Variants in RFT1 observed in about 807,000 individuals in gnomAD.
The protein encoded by RFT1 is RFT1 glycolipid translocator homolog.
A neutral mutation model predicts 62.2 loss-of-function variants in RFT1; 43 were observed. That is an observed-to-expected ratio of 0.69 (90% CI 0.54 to 0.89). The LOEUF is 0.89. Among genes scored for constraint, RFT1 ranks in the 40% least tolerant of loss-of-function variants. The pLI is 0.00. For missense variants in RFT1, 605 were observed against 649.9 expected, an observed-to-expected ratio of 0.93 and a Z score of 0.75; for synonymous variants, 262 against 264.6, an observed-to-expected ratio of 0.99 and a Z score of 0.10.
chr3:53,121,891 C>A, intron 4 of RFT1, 91 bp from the exon 5 acceptor site: 1 of 1,072,978 alleles, frequency 9.3e-7, no homozygotes, highest in South Asian at 1.3e-5. Context: ...GGGCAGTGGT[C>A]ACCCTGGCTG....
At chr3:53,099,858 A>C (rs1701263705) in intron 10 of RFT1, among the ~76,000 whole-genome samples, 1 of 152,120 alleles carries the variant, frequency 6.6e-6, no homozygotes. Context: ...TGTGGTGGGC[A>C]TGCCTGTAGT....
At chr3:53,103,209 G>A in intron 10 of RFT1, 1 of 985,374 alleles carries the variant, frequency 1.0e-6, no homozygotes, top group Non-Finnish European at 1.2e-6. Flanking sequence ...ATTTGACAAA[G>A]CCCTTTATAT....
downstream of RFT1, among the ~76,000 whole-genome samples, chr3:53,084,249 GACA>G: frequency 6.6e-6 from 1 of 152,212 alleles, no homozygotes; most frequent in South Asian, 2.1e-4. Context: ...AACAGTGGTG[GACA>G]ACAAAAGCCT....
At chr3:53,068,965 G>A in the RFT1 span, among the ~76,000 whole-genome samples, 1 of 152,168 alleles carries the variant, frequency 6.6e-6, no homozygotes, top group East Asian at 1.9e-4. Context: ...TTGAGATGGA[G>A]TTTCACTTTT....
Position 53,092,502 on chromosome 3 carries a change from C to T in RFT1, c.1325G>A (p.Arg442Gln), listed in dbSNP as rs749968109. 31 of 1,612,434 alleles carry T rather than the reference C, an allele frequency of 1.9e-5. No homozygotes were observed. The highest frequency in any genetic ancestry group is 2.2e-5 in the East Asian group (1 of 44,848). ...GATGAAGCAAAGGCTCTGCGTGATCCGAATGCCCATGTTAAAGCAGTTGGC... is the reference window on the plus strand; with the variant it reads ...GATGAAGCAAAGGCTCTGCGTGATCTGAATGCCCATGTTAAAGCAGTTGGC... ...ILANCFNMGI[R>Q]ITQSLCFIHR... The change falls in exon 12 of 13, where the codon CGG (arginine) becomes CAG (glutamine). Residue 442 changes from arginine to glutamine, a missense_variant. Transcript: ENST00000296292.
chr3:53,128,660 G>GC (rs1470157489), intron 1 of RFT1, among the ~76,000 whole-genome samples: 1 of 152,052 alleles, frequency 6.6e-6, no homozygotes, highest in African/African-American at 2.4e-5. Context: ...ACAGGTGCAT[G>GC]CCACCACGCC....
At chr3:53,068,396 C>T in the RFT1 span, among the ~76,000 whole-genome samples, 5 of 152,214 alleles carry the variant, frequency 3.3e-5, no homozygotes, top group East Asian at 1.9e-4. Context: ...CTACTCGACA[C>T]GGTGCCTCCT....
the RFT1 span, among the ~76,000 whole-genome samples, chr3:53,072,571 C>T: frequency 6.6e-6 from 1 of 152,232 alleles, no homozygotes; most frequent in Non-Finnish European, 1.5e-5. Context: ...AAGAAGGGGA[C>T]ACTGACTTGT....
chr3:53,078,186 A>G, the RFT1 span: 1 of 152,250 alleles, frequency 6.6e-6, no homozygotes, highest in African/African-American at 2.4e-5. Flanking sequence ...TTAACAGTTT[A>G]CAACATAGAA....
At chr3:53,074,722 C>T in the RFT1 span, among the ~76,000 whole-genome samples, 2 of 152,168 alleles carry the variant, frequency 1.3e-5, no homozygotes, top group African/African-American at 2.4e-5. Context: ...GCTTGGCACT[C>T]TCTGGGTGAG....
the RFT1 span, among the ~76,000 whole-genome samples, chr3:53,082,722 G>A: frequency 2.6e-5 from 4 of 152,120 alleles, no homozygotes; most frequent in Non-Finnish European, 4.4e-5. Flanking sequence ...CCACAAACCC[G>A]GCACATGCTC....
At chr3:53,102,082 C>G (rs557710161) in intron 10 of RFT1, among the ~76,000 whole-genome samples, 1 of 151,722 alleles carries the variant, frequency 6.6e-6, no homozygotes, top group Non-Finnish European at 1.5e-5. Flanking sequence ...GAGGCAGACA[C>G]GTGCAGGGAG....
At chr3:53,074,529 C>G in the RFT1 span, among the ~76,000 whole-genome samples, 5 of 152,082 alleles carry the variant, frequency 3.3e-5, no homozygotes, top group Non-Finnish European at 5.9e-5. Context: ...GGGGAGGGTC[C>G]TGATGCTCAC....
the RFT1 span, among the ~76,000 whole-genome samples, chr3:53,082,390 G>A: frequency 1.3e-5 from 2 of 152,134 alleles, no homozygotes; most frequent in South Asian, 2.1e-4. Flanking sequence ...CAGGAGAATT[G>A]CTTGAACCTG....
chr3:53,091,939 C>G lies in RFT1; in HGVS notation c.1590G>C (p.Gln530His), dbSNP rs1701001105. The change falls in exon 13 of 13, where the codon CAG becomes CAC. Residue 530 changes from glutamine (Q) to histidine (H), a missense_variant. Physicochemically the swap from Gln to His is conservative, Grantham distance 24. Transcript: ENST00000296292. ...TGTCAGTGCGTCTGGGCACACCTAA[C>G]TGAGTCCTGAGGAAATGGATCAGCT... is the stretch of plus-strand genomic sequence containing the variant. ...ETKLIHFLRT[Q>H]LGVPRRTDKM... 5.6e-6 allele frequency: 9 copies of G among 1,614,160 alleles called. No individual in the cohort carries two copies. The Admixed American group carries it at 1.0e-4, about 18-fold the overall frequency.
At chr3:53,117,765 T>C (rs567422212) in intron 6 of RFT1, among the ~76,000 whole-genome samples, 2 of 152,338 alleles carry the variant, frequency 1.3e-5, no homozygotes, top group East Asian at 3.9e-4. Context: ...CAGGCCACAA[T>C]GTTAAGACCT....
At chr3:53,122,647 A>G in intron 3 of RFT1, 84 bp from the exon 4 acceptor site, 1 of 852,810 alleles carries the variant, frequency 1.2e-6, no homozygotes, top group African/African-American at 1.8e-5. Context: ...ACAGAAAAAA[A>G]TAGTTATAAT....
At chr3:53,097,246 A>C (rs1056613858) in intron 11 of RFT1, among the ~76,000 whole-genome samples, 18 of 152,248 alleles carry the variant, frequency 1.2e-4, no homozygotes, top group African/African-American at 4.1e-4. Context: ...GAGATTAAAA[A>C]AAAAAAATGC....
At position 53,090,368 on chromosome 3, in the gene RFT1, A is replaced by G. The variant is rs1700957454; in HGVS notation, c.*1535T>C. The G allele has an allele frequency of 6.6e-6, 1 of 152,654 alleles. No homozygotes were observed. The highest frequency in any genetic ancestry group is 2.4e-5 in the African/African-American group (1 of 41,448). 9.5% of individuals were successfully genotyped at this position (152,654 alleles called of 1,614,324 possible). ...GTGCTCCACTTGACCCTATGGGACC[A>G]TCCATTTTTCTGAGCTGGCCTGACC... On this transcript the variant is annotated 3_prime_UTR_variant, in exon 13 of 13. Coordinates refer to ENST00000296292, the MANE Select transcript of RFT1 (RefSeq NM_052859.4).
Sources: allele counts gnomAD v4.1 joint callset (sites outside exome capture counted in the v4.1 genomes callset), GRCh38; gene constraint gnomAD v4.1.1; transcripts MANE v1.5; gene names NCBI Gene and HGNC (gene_info 2026-07-23, HGNC 2026-07-21).